TOX2: variants seen among roughly 807,000 people sequenced by gnomAD.
TOX2 encodes TOX high mobility group box family member 2.
TOX2 carries 15 observed loss-of-function variants against 47.4 expected under a neutral mutation model. The ratio of observed to expected loss-of-function variants is 0.32; its 90% CI spans 0.21 to 0.49. The LOEUF is 0.49. Ranked by LOEUF, TOX2 falls within the 20% of genes least tolerant of loss-of-function variation. The probability of loss-of-function intolerance (pLI) is 0.99; values close to 1 mark genes in which losing one functional copy is unlikely to be tolerated. For missense variants in TOX2, 622 were observed against 673.1 expected (o/e 0.92, Z 0.84); for synonymous variants, 290 against 296.6 (o/e 0.98, Z 0.23).
At chr20:43,967,242 T>G (rs2069872218) in intron 1 of TOX2, among the ~76,000 whole-genome samples, 1 of 151,792 alleles carries the variant, frequency 6.6e-6, no homozygotes, top group African/African-American at 2.4e-5. Context: ...GTGCTGGAGG[T>G]GTTGAATTTG....
rs1394153826 is a variant in TOX2 at position 44,065,687 on chromosome 20, G to A, written c.961-25G>A. ...TGGCTCATCCCTCTTCTGTTCTCCA[G>A]TGACTGATATCTGTCTCCTTCCAGA... is the stretch of plus-strand genomic sequence containing the variant. On this transcript the variant is annotated intron_variant, in intron 6 of 8. Coordinates refer to ENST00000341197, the MANE Select transcript of TOX2 (RefSeq NM_001098797.2). The A allele has an allele frequency of 2.6e-6, 4 of 1,553,624 alleles. No individual in the cohort carries two copies. The East Asian group carries it at 6.8e-5, about 26-fold the overall frequency.
At chr20:43,924,867 C>T (rs1011822309) in intron 1 of TOX2, among the ~76,000 whole-genome samples, 1 of 152,268 alleles carries the variant, frequency 6.6e-6, no homozygotes, top group African/African-American at 2.4e-5. Context: ...CTCTGTCCCT[C>T]TCCCTTCTCC....
At chr20:44,056,024 G>T (rs1033599011) in intron 5 of TOX2, among the ~76,000 whole-genome samples, 3 of 152,196 alleles carry the variant, frequency 2.0e-5, no homozygotes, top group Admixed American at 6.5e-5. Flanking sequence ...CCAGGAAAGG[G>T]CACATTGTCC....
chr20:44,023,847 C>T (rs1235218840), intron 3 of TOX2, among the ~76,000 whole-genome samples: 1 of 152,218 alleles, frequency 6.6e-6, no homozygotes, highest in Non-Finnish European at 1.5e-5. Context: ...GTCCCGTGGG[C>T]CCTCACTTCT....
chr20:43,947,883 G>C (rs1266334634), intron 1 of TOX2, among the ~76,000 whole-genome samples: 2 of 152,198 alleles, frequency 1.3e-5, no homozygotes, highest in Admixed American at 6.5e-5. Context: ...GGAAGGAAAG[G>C]AGTCTTGGAA....
intron 3 of TOX2, among the ~76,000 whole-genome samples, chr20:44,048,570 T>C (rs2071456161): frequency 6.6e-6 from 1 of 151,486 alleles, no homozygotes; most frequent in African/African-American, 2.4e-5. Flanking sequence ...ATGTTATCTA[T>C]ACTGTTCCAG....
At chr20:43,970,322 C>T (rs2069942776) in intron 1 of TOX2, among the ~76,000 whole-genome samples, 1 of 152,202 alleles carries the variant, frequency 6.6e-6, no homozygotes, top group Non-Finnish European at 1.5e-5. Flanking sequence ...TTATGTAAAG[C>T]ATTTTGCTCA....
chr20:44,047,086 T>C (rs148735329), intron 3 of TOX2, among the ~76,000 whole-genome samples: 59 of 152,314 alleles, frequency 3.9e-4, no homozygotes, highest in African/African-American at 1.4e-3. Flanking sequence ...AAATCATCAA[T>C]GTAGACTATT....
At chr20:44,003,729 T>C (rs573883903) in intron 2 of TOX2, among the ~76,000 whole-genome samples, 1 of 152,284 alleles carries the variant, frequency 6.6e-6, no homozygotes, top group East Asian at 1.9e-4. Flanking sequence ...GAGTAGGAAC[T>C]AACCACGGGA....
rs142179919 is a variant in TOX2 at position 44,030,792 on chromosome 20, A to G, written c.412-20514A>G. On this transcript the variant is annotated intron_variant, in intron 3 of 8. Transcript: ENST00000341197. The stretch of plus-strand genomic sequence containing the variant: ...ATAAAGTGACACATGCCTTCCTGAA[A>G]AACCTGAAAAATCCTAAGAACAAGA... 3.6e-4 allele frequency among the ~76,000 whole-genome samples: 55 copies of G among 152,316 alleles called. 1 individual carries two copies. The highest frequency in any genetic ancestry group is 1.2e-3 in the African/African-American group (49 of 41,570).
At chr20:44,015,102 T>G (rs1334339866) in intron 3 of TOX2, among the ~76,000 whole-genome samples, 2 of 151,812 alleles carry the variant, frequency 1.3e-5, no homozygotes, top group African/African-American at 4.9e-5. Flanking sequence ...TTGTCTAACG[T>G]CCCTCTGGGG....
Position 44,054,434 on chromosome 20 carries a change from G to T in TOX2, c.787G>T (p.Ala263Ser), listed in dbSNP as rs370568497. 13 of 1,613,048 alleles carry T rather than the reference G, an allele frequency of 8.1e-6. No individual in the cohort carries two copies. Among genetic ancestry groups the T allele is most frequent in the African/African-American group, 2.7e-5 (2 of 74,882 alleles). The change falls in exon 5 of 9, where the codon GCC becomes TCC. Residue 263 changes from alanine to serine, a missense_variant. Physicochemically the swap from Ala to Ser is moderately conservative, Grantham distance 99. This residue lies in a region of TOX2 where 21 missense variants were observed against 45.8 expected (regional missense o/e 0.46). Transcript: ENST00000341197. ...ACTCTTCTTCAGAGACACTCAGGCC[G>T]CCATCAAGGGTCAGAACCCCAGTGC... ...YALFFRDTQA[A>S]IKGQNPSATF...
At chr20:44,031,250 T>C (rs1174408530) in intron 3 of TOX2, among the ~76,000 whole-genome samples, 5 of 152,102 alleles carry the variant, frequency 3.3e-5, no homozygotes, top group Non-Finnish European at 5.9e-5. Context: ...TAGCGCCCTC[T>C]GTGTTCAGCC....
At chr20:44,032,131 C>T (rs34023511) in intron 3 of TOX2, among the ~76,000 whole-genome samples, 241 of 152,184 alleles carry the variant, frequency 1.6e-3, no homozygotes, top group Non-Finnish European at 3.0e-3. Flanking sequence ...TCGGGGAAGG[C>T]CTTCTGATAA....
intron 5 of TOX2, among the ~76,000 whole-genome samples, chr20:44,060,203 G>A (rs1423936604): frequency 2.6e-5 from 4 of 152,018 alleles, no homozygotes; most frequent in African/African-American, 4.8e-5. Context: ...AAAATATCAC[G>A]ATCCTAAATT....
intron 2 of TOX2, among the ~76,000 whole-genome samples, chr20:44,003,777 CTG>C (rs2070629128): frequency 1.3e-5 from 2 of 152,220 alleles, no homozygotes; most frequent in South Asian, 4.2e-4. Context: ...GCAGAGGGAA[CTG>C]TGTAGGGGAG....
At chr20:43,940,125 G>A (rs2069383046) in intron 1 of TOX2, among the ~76,000 whole-genome samples, 1 of 152,132 alleles carries the variant, frequency 6.6e-6, no homozygotes, top group Non-Finnish European at 1.5e-5. Flanking sequence ...TTGGTGCAGA[G>A]CTCAATCAGG....
In TOX2 at chr20:44,068,789, C is replaced by G; in HGVS notation, c.*103C>G. The G allele has an allele frequency of 1.3e-6, 2 of 1,491,912 alleles. No homozygotes were observed. The highest frequency in any genetic ancestry group is 1.8e-6 in the Non-Finnish European group (2 of 1,084,942). The allele number at this position is 1,491,912 out of a possible 1,614,324, so 92.4% of individuals were successfully genotyped here. A position where few individuals can be genotyped will look rare whatever the true frequency, so the allele number is the denominator to read the frequency against. On this transcript the variant is annotated 3_prime_UTR_variant, in exon 9 of 9. Transcript: ENST00000341197. ...CCTGGCCAGAGGCAGGGTGGCCCAT[C>G]GGAGAGAGCAGTGACACACCCATTG...
At chr20:43,920,467 G>A (rs1411032011) in intron 1 of TOX2, among the ~76,000 whole-genome samples, 2 of 152,216 alleles carry the variant, frequency 1.3e-5, no homozygotes, top group African/African-American at 4.8e-5. Flanking sequence ...AAGGTACCCT[G>A]GGATGGGTGG....
Sources: gnomAD v4.1 joint callset for allele counts (sites outside exome capture counted in the v4.1 genomes callset) on GRCh38, gnomAD v4.1.1 for gene constraint, gnomAD v4.1.1 regional missense constraint, MANE v1.5 for transcripts, NCBI Gene and HGNC (gene_info 2026-07-23, HGNC 2026-07-21) for gene names.